HSD17B4: variants seen among roughly 807,000 people sequenced by gnomAD.
HSD17B4 encodes the protein peroxisomal multifunctional enzyme type 2.
Under a neutral mutation model 101.0 loss-of-function variants are expected in HSD17B4, and 70 were observed. The observed-to-expected ratio is 0.69, with a 90% CI of 0.57 to 0.85. HSD17B4 has a LOEUF of 0.85. HSD17B4 is among the 40% of genes least tolerant of loss of function. HSD17B4 has a pLI of 0.00. For missense variants in HSD17B4, 984 were observed against 892.4 expected, an observed-to-expected ratio of 1.10 and a Z score of -1.31; for synonymous variants, 347 against 297.1, an observed-to-expected ratio of 1.17 and a Z score of -1.73.
At chr5:119,532,913 A>G (rs1186626114) in intron 22 of HSD17B4, among the ~76,000 whole-genome samples, 2 of 152,098 alleles carry the variant, frequency 1.3e-5, no homozygotes, top group East Asian at 1.9e-4. Context: ...TTGAACTTAT[A>G]TGATGCTGTT....
intron 2 of HSD17B4, among the ~76,000 whole-genome samples, chr5:119,460,096 C>T (rs1048253396): frequency 2.0e-5 from 3 of 151,466 alleles, no homozygotes; most frequent in African/African-American, 4.9e-5. Flanking sequence ...AGGATGGTCT[C>T]GATCTCCTGA....
intron 12 of HSD17B4, 118 bp downstream of exon 12, chr5:119,496,764 C>A (rs1220463470): frequency 1.3e-6 from 1 of 774,134 alleles, no homozygotes; most frequent in Non-Finnish European, 2.4e-6. Context: ...CAGTTACTTT[C>A]TTTCAGTCTC....
Position 119,473,903 on chromosome 5 carries a change from T to C in HSD17B4, c.113-5T>C. ...AATTGTTGTTTGCTTGTTTTTGCATTACAGTGAATGATTTGGGAGGGGACT... is the reference window on the plus strand; with the variant it reads ...AATTGTTGTTTGCTTGTTTTTGCATCACAGTGAATGATTTGGGAGGGGACT... On this transcript the variant is annotated splice_region_variant and splice_polypyrimidine_tract_variant and intron_variant, in intron 2 of 23. Transcript: ENST00000510025. 3.3e-6 allele frequency: 5 copies of C among 1,510,070 alleles called. No homozygotes were observed. Among genetic ancestry groups the C allele is most frequent in the Non-Finnish European group, 4.6e-6 (5 of 1,085,196 alleles). The allele number at this position is 1,510,070 out of a possible 1,614,324, so 93.5% of individuals were successfully genotyped here.
At chr5:119,477,821 T>TG (rs1285741262) in intron 7 of HSD17B4, 8 of 312,060 alleles carry the variant, frequency 2.6e-5, no homozygotes, top group Non-Finnish European at 3.7e-5. Flanking sequence ...GGCATGAACA[T>TG]GGCTCACTGT....
chr5:119,487,681 G>A (rs1363618543), intron 8 of HSD17B4, among the ~76,000 whole-genome samples: 1 of 152,014 alleles, frequency 6.6e-6, no homozygotes, highest in Non-Finnish European at 1.5e-5. Context: ...TAGATACTCT[G>A]TTGCATTTTA....
intron 14 of HSD17B4, among the ~76,000 whole-genome samples, chr5:119,502,593 A>G (rs2126791971): frequency 6.6e-6 from 1 of 151,772 alleles, no homozygotes; most frequent in Non-Finnish European, 1.5e-5. Context: ...AATCTCTTTT[A>G]ATTTTTTTCA....
Position 119,541,715 on chromosome 5 carries a change from C to CT in HSD17B4, c.2122-182dup, listed in dbSNP as rs147689714. On this transcript the variant is annotated intron_variant, in intron 23 of 23. Transcript: ENST00000510025. ...TCTAAAATACACAGGAATGATTTTT[C>CT]TTTTTTTTAGATGTCTAAAAAAATG... 0.11 allele frequency among the ~76,000 whole-genome samples: 16,017 copies of CT among 150,878 alleles called. 1,120 individuals are homozygous for CT. The highest frequency in any genetic ancestry group is 0.2 in the African/African-American group (8,178 of 41,138).
At chr5:119,509,391 C>G (rs755132454) in intron 16 of HSD17B4, 147 bp downstream of exon 16, 4 of 721,288 alleles carry the variant, frequency 5.5e-6, no homozygotes, top group Non-Finnish European at 7.6e-6. Context: ...GACACCAAGA[C>G]CAGTCCCTCT....
In HSD17B4 at chr5:119,531,334, G is replaced by C; in HGVS notation, c.1923G>C (p.Glu641Asp). Reference protein sequence around the residue: ...IGRRLKDIGPEVVKKVNAVFE... With the variant: ...IGRRLKDIGPDVVKKVNAVFE... ...GCCGCCTAAAGGATATTGGGCCTGA[G>C]GTGGTGAAGAAAGTAAATGCTGTAT... The change falls in exon 22 of 24, where the codon GAG becomes GAC. Residue 641 changes from glutamate (E) to aspartate (D), a missense_variant. Physicochemically the swap from Glu to Asp is conservative, Grantham distance 45 (BLOSUM62 2). Transcript: ENST00000510025. 1.2e-6 allele frequency: 2 copies of C among 1,613,640 alleles called. No homozygotes were observed. Among genetic ancestry groups the C allele is most frequent in the Non-Finnish European group, 8.5e-7 (1 of 1,179,662 alleles).
At chr5:119,520,144 C>G (rs969237260) in intron 17 of HSD17B4, among the ~76,000 whole-genome samples, 1 of 149,302 alleles carries the variant, frequency 6.7e-6, no homozygotes, top group African/African-American at 2.5e-5. Flanking sequence ...CATTTTATAA[C>G]TACTACCTGT....
At position 119,479,004 on chromosome 5, in the gene HSD17B4, A is replaced by G; in HGVS notation, c.605A>G (p.Gln202Arg). The G allele has an allele frequency of 1.9e-6, 3 of 1,613,338 alleles. No individual in the cohort carries two copies. The highest frequency in any genetic ancestry group is 2.5e-6 in the Non-Finnish European group (3 of 1,179,346). The stretch of plus-strand genomic sequence containing the variant: ...CCTAATGCGGGATCACGGATGACTC[A>G]GACAGTTATGCCTGAAGGTAAGTAA... ...IAPNAGSRMT[Q>R]TVMPEDLVEA... is the part of the protein sequence containing the mutation. The change falls in exon 8 of 24, where the codon CAG becomes CGG. Residue 202 changes from glutamine to arginine, a missense_variant. Physicochemically the swap from Gln to Arg is conservative, Grantham distance 43 (BLOSUM62 1). Coordinates refer to ENST00000510025, the MANE Select transcript of HSD17B4 (RefSeq NM_000414.4).
At chr5:119,517,261 G>C (rs149177941) in intron 17 of HSD17B4, among the ~76,000 whole-genome samples, 2 of 152,200 alleles carry the variant, frequency 1.3e-5, no homozygotes, top group Non-Finnish European at 2.9e-5. Context: ...CAGCGGCTGC[G>C]GAGGGTGTAC....
At chr5:119,526,071 C>T (rs1360491335) in intron 19 of HSD17B4, 48 bp downstream of exon 19, 2 of 1,046,810 alleles carry the variant, frequency 1.9e-6, no homozygotes, top group African/African-American at 3.1e-5. Flanking sequence ...CTTTTTCTAT[C>T]TTTAGAGAAG....
At chr5:119,454,211 T>G (rs1754363705) in intron 1 of HSD17B4, among the ~76,000 whole-genome samples, 1 of 152,248 alleles carries the variant, frequency 6.6e-6, no homozygotes, top group Non-Finnish European at 1.5e-5. Flanking sequence ...AAAATTGATT[T>G]TGTGAAACAA....
At position 119,519,557 on chromosome 5, in the gene HSD17B4, C is replaced by T. The variant is rs534834678; in HGVS notation, c.1503+4511C>T. 3.9e-5 allele frequency among the ~76,000 whole-genome samples: 6 copies of T among 152,308 alleles called. No homozygotes were observed. In the South Asian group the frequency reaches 1.2e-3, roughly 32 times the overall value. On this transcript the variant is annotated intron_variant, in intron 17 of 23. Transcript: ENST00000510025. ...CTAGTTGGACCATCTGAGTCACTTG[C>T]ATGTAACTGCCAGAAAGTGCTTACT...
chr5:119,532,974 G>A (rs1754243425), intron 22 of HSD17B4, among the ~76,000 whole-genome samples: 1 of 152,052 alleles, frequency 6.6e-6, no homozygotes, highest in South Asian at 2.1e-4. Context: ...GAAGTAATAT[G>A]CACGTTTATA....
chr5:119,534,711 G>C (rs1349364650), intron 22 of HSD17B4, among the ~76,000 whole-genome samples: 1 of 151,996 alleles, frequency 6.6e-6, no homozygotes, highest in Non-Finnish European at 1.5e-5. Flanking sequence ...GAAAAGTCTT[G>C]AAAGATTTTC....
intron 17 of HSD17B4, among the ~76,000 whole-genome samples, chr5:119,516,646 C>G (rs576795211): frequency 2.0e-5 from 3 of 152,022 alleles, no homozygotes; most frequent in Non-Finnish European, 4.4e-5. Context: ...TACCAGTTCC[C>G]TAAAAAACAT....
In HSD17B4 at chr5:119,499,504, T is replaced by A; in HGVS notation, c.1160T>A (p.Met387Lys). Residue 387 changes from methionine (M) to lysine (K), a missense_variant, in exon 13 of 24, where the codon ATG (methionine) becomes AAG (lysine). Met to Lys is a moderately conservative substitution (Grantham distance 95, BLOSUM62 -1). Transcript: ENST00000510025. ...FGVIIGQKSM[M>K]GGGLAEIPGL... is the part of the protein sequence containing the mutation. ...GTTATCATAGGTCAGAAATCTATGA[T>A]GGGTGGAGGATTAGCAGAAATTCCT... The A allele has an allele frequency of 6.2e-7, 1 of 1,613,822 alleles. No individual in the cohort carries two copies. Among genetic ancestry groups the A allele is most frequent in the Non-Finnish European group, 8.5e-7 (1 of 1,179,752 alleles).
Sources: gnomAD v4.1 joint callset for allele counts (sites outside exome capture counted in the v4.1 genomes callset) on GRCh38, gnomAD v4.1.1 for gene constraint, MANE v1.5 for transcripts, NCBI Gene and HGNC (gene_info 2026-07-23, HGNC 2026-07-21) for gene names.